RAB3B: variants seen among roughly 807,000 people sequenced by gnomAD.
RAB3B encodes ras-related protein Rab-3B.
A neutral mutation model predicts 20.5 loss-of-function variants in RAB3B; 11 were observed. That is an observed-to-expected ratio of 0.54 (90% CI 0.34 to 0.89). The LOEUF is 0.89. RAB3B is among the 40% of genes least tolerant of loss of function. RAB3B has a pLI of 0.02. For synonymous variants in RAB3B, 99 were observed against 106.3 expected (o/e 0.93, Z 0.42); for missense variants, 225 against 280.9 (o/e 0.80, Z 1.42).
chr1:51,930,874 A>C (rs946969239), intron 4 of RAB3B, among the ~76,000 whole-genome samples: 4 of 151,934 alleles, frequency 2.6e-5, no homozygotes. Context: ...AAAATTAGCC[A>C]GGCATGGTGG....
intron 2 of RAB3B, among the ~76,000 whole-genome samples, chr1:51,969,978 G>A (rs905424112): frequency 6.6e-6 from 1 of 151,814 alleles, no homozygotes; most frequent in African/African-American, 2.4e-5. Context: ...GCTGAGGTGG[G>A]AGGATCACCT....
intron 1 of RAB3B, among the ~76,000 whole-genome samples, chr1:51,988,162 C>T (rs1335393729): frequency 2.0e-5 from 3 of 152,138 alleles, no homozygotes; most frequent in East Asian, 3.8e-4. Context: ...ATAGCAGGGG[C>T]TCAATAATGT....
intron 1 of RAB3B, among the ~76,000 whole-genome samples, chr1:51,985,694 A>G (rs932544245): frequency 2.0e-5 from 3 of 152,198 alleles, no homozygotes; most frequent in African/African-American, 7.2e-5. Context: ...TGTTTCATAC[A>G]CTGTGCTGAG....
At chr1:51,962,991 TC>T (rs1317838963) in intron 2 of RAB3B, among the ~76,000 whole-genome samples, 2 of 152,108 alleles carry the variant, frequency 1.3e-5, no homozygotes, top group African/African-American at 4.8e-5. Flanking sequence ...CACCCACTTA[TC>T]CCTCTACTGG....
chr1:51,935,070 G>C (rs185216523), intron 3 of RAB3B, among the ~76,000 whole-genome samples: 206 of 152,194 alleles, frequency 1.4e-3, no homozygotes, highest in Middle Eastern at 3.4e-3. Flanking sequence ...ATTCATCTTT[G>C]GGATGCCAAT....
chr1:51,974,169 C>T (rs1314377447), intron 2 of RAB3B, among the ~76,000 whole-genome samples: 1 of 152,206 alleles, frequency 6.6e-6, no homozygotes, highest in African/African-American at 2.4e-5. Context: ...GCTCACCATG[C>T]CCCAAATATT....
intron 2 of RAB3B, among the ~76,000 whole-genome samples, chr1:51,969,709 A>G (rs538232451): frequency 3.3e-5 from 5 of 152,194 alleles, no homozygotes; most frequent in African/African-American, 7.2e-5. Flanking sequence ...CTATTTATCA[A>G]TCTCCCTAGA....
At chr1:51,960,666 G>A (rs1301113133) in intron 2 of RAB3B, among the ~76,000 whole-genome samples, 1 of 152,138 alleles carries the variant, frequency 6.6e-6, no homozygotes. Context: ...AGAATCTCCA[G>A]CCTTAGATGG....
chr1:51,945,390 A>G (rs1352697183), intron 2 of RAB3B, among the ~76,000 whole-genome samples: 3 of 152,178 alleles, frequency 2.0e-5, no homozygotes, highest in Admixed American at 2.0e-4. Context: ...ATATTACTAC[A>G]CATTTAATAG....
chr1:51,977,863 G>A (rs891556373), intron 1 of RAB3B, among the ~76,000 whole-genome samples: 3 of 152,094 alleles, frequency 2.0e-5, no homozygotes, highest in African/African-American at 7.2e-5. Flanking sequence ...TAAAGATCAA[G>A]TCCAAACTGT....
At chr1:51,952,139 C>T (rs1372763242) in intron 2 of RAB3B, among the ~76,000 whole-genome samples, 3 of 152,170 alleles carry the variant, frequency 2.0e-5, no homozygotes, top group Non-Finnish European at 4.4e-5. Context: ...CACATATATT[C>T]ACTGATCTTA....
At chr1:51,984,068 G>C (rs1364623444) in intron 1 of RAB3B, among the ~76,000 whole-genome samples, 1 of 151,516 alleles carries the variant, frequency 6.6e-6, no homozygotes, top group Non-Finnish European at 1.5e-5. Context: ...TTCGAGACCA[G>C]TCTGGCCAAC....
chr1:51,940,607 G>A (rs1184344666), intron 2 of RAB3B, among the ~76,000 whole-genome samples: 1 of 151,978 alleles, frequency 6.6e-6, no homozygotes. Context: ...GGGTGAAAGA[G>A]TGAGACTGTC....
chr1:51,989,980 C>G (rs1395677371), intron 1 of RAB3B, among the ~76,000 whole-genome samples: 5 of 134,330 alleles, frequency 3.7e-5, no homozygotes, highest in Non-Finnish European at 8.0e-5. Context: ...CCCCGACCCT[C>G]TCCCAACCAG....
At chr1:51,926,476 A>G (rs1381789263) in intron 4 of RAB3B, among the ~76,000 whole-genome samples, 1 of 152,230 alleles carries the variant, frequency 6.6e-6, no homozygotes, top group African/African-American at 2.4e-5. Context: ...CCAAGTCCCA[A>G]GGAAGCTTTA....
chr1:51,956,028 G>C (rs149827649), intron 2 of RAB3B, among the ~76,000 whole-genome samples: 1 of 152,304 alleles, frequency 6.6e-6, no homozygotes, highest in African/African-American at 2.4e-5. Flanking sequence ...GAGCGAGGAA[G>C]AGCCTGTCAG....
Position 51,911,038 on chromosome 1 carries a change from C to T in RAB3B, c.*8889G>A, listed in dbSNP as rs1683990308. 6.6e-6 allele frequency: 1 copy of T among 152,204 alleles called. No homozygotes were observed. Among genetic ancestry groups the T allele is most frequent in the African/African-American group, 2.4e-5 (1 of 41,456 alleles). 9.4% of individuals were successfully genotyped at this position (152,204 alleles called of 1,614,324 possible). ...AGAAGCATATACCACACAACTCAGT[C>T]CAGTCAGTAGTTGACTCTCAAGATG... is the stretch of plus-strand genomic sequence containing the variant. On this transcript the variant is annotated 3_prime_UTR_variant, in exon 5 of 5. Transcript: ENST00000371655.
chr1:51,958,735 A>C (rs1684745704), intron 2 of RAB3B, among the ~76,000 whole-genome samples: 1 of 151,794 alleles, frequency 6.6e-6, no homozygotes, highest in South Asian at 2.1e-4. Context: ...AAAAAAAAAA[A>C]AAAGAAAAGA....
intron 3 of RAB3B, among the ~76,000 whole-genome samples, chr1:51,936,775 G>A (rs935498423): frequency 7.3e-5 from 11 of 151,206 alleles, no homozygotes; most frequent in Admixed American, 4.0e-4. Flanking sequence ...CTGATGCCTC[G>A]CTTCATCACT....
Sources: gnomAD v4.1 joint callset for allele counts (sites outside exome capture counted in the v4.1 genomes callset) on GRCh38, gnomAD v4.1.1 for gene constraint, MANE v1.5 for transcripts, NCBI Gene and HGNC (gene_info 2026-07-23, HGNC 2026-07-21) for gene names.